GALNT13: variants seen among roughly 807,000 people sequenced by gnomAD.
The protein encoded by GALNT13 is polypeptide N-acetylgalactosaminyltransferase 13.
A neutral mutation model predicts 64.2 loss-of-function variants in GALNT13; 28 were observed. That is an observed-to-expected ratio of 0.44 (90% CI 0.32 to 0.60). The LOEUF is 0.60. GALNT13 is among the 20% of genes least tolerant of loss of function. GALNT13 has a pLI of 0.05. For missense variants in GALNT13, 577 were observed against 669.8 expected (o/e 0.86, Z 1.53); for synonymous variants, 214 against 224.6 (o/e 0.95, Z 0.42).
At chr2:153,588,153 A>G in the GALNT13 span, among the ~76,000 whole-genome samples, 1 of 152,154 alleles carries the variant, frequency 6.6e-6, no homozygotes, top group Admixed American at 6.5e-5. Flanking sequence ...AGCTGCTTTC[A>G]TGGGCTGGCA....
At chr2:154,299,294 A>AT (rs1693279850) in intron 8 of GALNT13, among the ~76,000 whole-genome samples, 1 of 151,806 alleles carries the variant, frequency 6.6e-6, no homozygotes, top group Admixed American at 6.6e-5. Context: ...GATACAAGGG[A>AT]TATAATGGAG....
the GALNT13 span, among the ~76,000 whole-genome samples, chr2:153,248,815 C>CAAAAAAAAAAAA: frequency 7.8e-6 from 1 of 127,476 alleles, no homozygotes. Flanking sequence ...GACTCTGTCT[C>CAAAAAAAAAAAA]GAAAAAAAAA....
chr2:153,460,355 CATACTG>C, the GALNT13 span, among the ~76,000 whole-genome samples: 6 of 152,072 alleles, frequency 3.9e-5, no homozygotes, highest in Non-Finnish European at 5.9e-5. Context: ...AGGATCAACT[CATACTG>C]ATAAATGTAT....
chr2:153,959,509 G>A (rs1166320614), intron 3 of GALNT13, among the ~76,000 whole-genome samples: 4 of 152,224 alleles, frequency 2.6e-5, no homozygotes, highest in African/African-American at 2.4e-5. Context: ...ATAAAATGGA[G>A]TTAGAAGACA....
chr2:154,044,476 T>C (rs72868473), intron 3 of GALNT13, among the ~76,000 whole-genome samples: 10,839 of 152,268 alleles, frequency 0.071, 459 homozygotes, highest in Middle Eastern at 0.13. Context: ...TGGTAGAGGC[T>C]GACCACTACT....
chr2:154,007,248 A>AT (rs1322197770), intron 3 of GALNT13, among the ~76,000 whole-genome samples: 1 of 149,146 alleles, frequency 6.7e-6, no homozygotes, highest in Non-Finnish European at 1.5e-5. Context: ...GAAAACAGGG[A>AT]CTTCATTCCT....
the GALNT13 span, among the ~76,000 whole-genome samples, chr2:153,401,804 T>A: frequency 6.6e-6 from 1 of 151,918 alleles, no homozygotes; most frequent in Non-Finnish European, 1.5e-5. Context: ...TCCTTTTATT[T>A]TGAGCCTATG....
intron 4 of GALNT13, among the ~76,000 whole-genome samples, chr2:154,221,945 A>G (rs774031358): frequency 5.9e-5 from 9 of 152,064 alleles, no homozygotes; most frequent in South Asian, 2.1e-4. Flanking sequence ...CCACCCCAAC[A>G]TTTCTCCAAA....
chr2:153,722,699 T>A, the GALNT13 span, among the ~76,000 whole-genome samples: 1 of 151,966 alleles, frequency 6.6e-6, no homozygotes, highest in East Asian at 1.9e-4. Context: ...AACTAGAAAA[T>A]CTAGAAGAAA....
At chr2:153,898,048 A>G (rs373689618) in intron 1 of GALNT13, among the ~76,000 whole-genome samples, 12 of 151,966 alleles carry the variant, frequency 7.9e-5, no homozygotes, top group South Asian at 2.1e-4. Context: ...TTTGTGAGTG[A>G]TTTTCATGTC....
At chr2:154,261,342 A>T (rs1025543525) in intron 8 of GALNT13, among the ~76,000 whole-genome samples, 1 of 152,304 alleles carries the variant, frequency 6.6e-6, no homozygotes, top group African/African-American at 2.4e-5. Context: ...TAGTTTCCAT[A>T]TGACTTTAAT....
intron 12 of GALNT13, among the ~76,000 whole-genome samples, chr2:154,440,592 G>A (rs545902916): frequency 1.3e-5 from 2 of 152,092 alleles, no homozygotes; most frequent in East Asian, 3.9e-4. Flanking sequence ...CTTTGACTTT[G>A]GAACACACGC....
chr2:154,437,973 T>G (rs1438895326), intron 11 of GALNT13: 2 of 184,338 alleles, frequency 1.1e-5, no homozygotes, highest in African/African-American at 4.9e-5. Flanking sequence ...TAACAAAGAG[T>G]CCATAATCCA....
At chr2:153,101,331 C>A in the GALNT13 span, among the ~76,000 whole-genome samples, 2 of 151,934 alleles carry the variant, frequency 1.3e-5, no homozygotes, top group South Asian at 4.2e-4. Context: ...ATTTGAAAAA[C>A]ACACTGTGTT....
At chr2:154,224,315 A>G (rs1355141613) in intron 4 of GALNT13, among the ~76,000 whole-genome samples, 1 of 152,132 alleles carries the variant, frequency 6.6e-6, no homozygotes, top group Non-Finnish European at 1.5e-5. Context: ...TTCATGGTAT[A>G]TAAATTTTAC....
At chr2:153,486,722 A>T in the GALNT13 span, among the ~76,000 whole-genome samples, 5 of 152,120 alleles carry the variant, frequency 3.3e-5, no homozygotes, top group Non-Finnish European at 7.3e-5. Context: ...CGAATGATAC[A>T]TCATAGACCT....
intron 3 of GALNT13, among the ~76,000 whole-genome samples, chr2:153,971,839 C>T (rs991800108): frequency 3.9e-5 from 6 of 151,922 alleles, no homozygotes; most frequent in East Asian, 1.9e-4. Flanking sequence ...ATCATGTCAA[C>T]CTGGACCCTC....
intron 8 of GALNT13, among the ~76,000 whole-genome samples, chr2:154,275,300 C>T (rs1691581712): frequency 6.6e-6 from 1 of 151,956 alleles, no homozygotes; most frequent in Non-Finnish European, 1.5e-5. Flanking sequence ...GAGACCTTCA[C>T]AGCAGCCCTT....
intron 4 of GALNT13, among the ~76,000 whole-genome samples, chr2:154,152,092 T>C (rs1279279210): frequency 1.3e-5 from 2 of 152,218 alleles, no homozygotes; most frequent in African/African-American, 2.4e-5. Context: ...CCATGTTCAG[T>C]GCCTCCTTCA....
Sources: allele counts gnomAD v4.1 joint callset (sites outside exome capture counted in the v4.1 genomes callset), GRCh38; gene constraint gnomAD v4.1.1; transcripts MANE v1.5; gene names NCBI Gene and HGNC (gene_info 2026-07-23, HGNC 2026-07-21).